Variants in GALNT2 observed in about 807,000 individuals in gnomAD.
GALNT2 encodes UDP-GalNAc:polypeptide N-acetylgalactosaminyltransferase 2.
In GALNT2, 31 loss-of-function variants were observed where a neutral mutation model predicts 81.4. The ratio of observed to expected loss-of-function variants is 0.38; its 90% CI spans 0.29 to 0.51. The LOEUF (loss-of-function observed/expected upper bound fraction) is 0.51, where lower values mean the gene tolerates loss of function less well. Ranked by LOEUF, GALNT2 falls within the 20% of genes least tolerant of loss-of-function variation. GALNT2 has a pLI of 0.87. For missense variants in GALNT2, 629 were observed against 765.7 expected (o/e 0.82, Z 2.11); for synonymous variants, 303 against 287.4 (o/e 1.05, Z -0.55).
chr1:230,239,824 A>G (rs898868010), intron 6 of GALNT2, among the ~76,000 whole-genome samples: 2 of 152,196 alleles, frequency 1.3e-5, no homozygotes, highest in Non-Finnish European at 2.9e-5. Context: ...GCTTTTCAGC[A>G]ATACTTTTCA....
chr1:230,116,573 T>A (rs1290670471), intron 1 of GALNT2, among the ~76,000 whole-genome samples: 1 of 152,214 alleles, frequency 6.6e-6, no homozygotes, highest in Non-Finnish European at 1.5e-5. Flanking sequence ...AAATTACTGC[T>A]TGATCCATGG....
At chr1:230,259,596 G>A (rs1325959152) in intron 11 of GALNT2, 1 of 152,208 alleles carries the variant, frequency 6.6e-6, no homozygotes, top group Non-Finnish European at 1.5e-5. Context: ...GGTTTTTCAA[G>A]GATAATCTGG....
In GALNT2 at chr1:230,238,412, G is replaced by A. The variant is rs1388830555; in HGVS notation, c.607+1687G>A. Among the ~76,000 whole-genome samples, 11 of 152,180 alleles carry A rather than the reference G, an allele frequency of 7.2e-5. No homozygotes were observed. The East Asian group carries it at 1.9e-3, about 27-fold the overall frequency. On this transcript the variant is annotated intron_variant, in intron 6 of 15. Coordinates refer to ENST00000366672, the MANE Select transcript of GALNT2 (RefSeq NM_004481.5). ...GAAATTTCTGGATTTCTCTGGGTGG[G>A]GTGTGGGCAGCTGCATTTTTAAAAG...
intron 15 of GALNT2, among the ~76,000 whole-genome samples, chr1:230,277,452 T>G (rs1363290258): frequency 6.6e-6 from 1 of 152,236 alleles, no homozygotes; most frequent in Non-Finnish European, 1.5e-5. Context: ...AGAAGATTCC[T>G]GGCTGCTCAG....
intron 1 of GALNT2, among the ~76,000 whole-genome samples, chr1:230,129,945 A>G (rs576103799): frequency 5.3e-4 from 80 of 152,338 alleles, no homozygotes; most frequent in African/African-American, 1.8e-3. Flanking sequence ...CTTCCTGTGG[A>G]CAGGCATCAC....
chr1:230,263,034 T>G (rs1665925840), intron 13 of GALNT2, 29 bp downstream of exon 13: 1 of 1,577,340 alleles, frequency 6.3e-7, no homozygotes, highest in Non-Finnish European at 8.7e-7. Context: ...GGGGTTTCAC[T>G]TTGTAAGGGC....
intron 6 of GALNT2, among the ~76,000 whole-genome samples, chr1:230,237,685 C>T (rs1024330756): frequency 7.9e-5 from 12 of 152,232 alleles, no homozygotes; most frequent in South Asian, 2.1e-4. Flanking sequence ...TAAGCCTTGC[C>T]TTCTAAACAA....
chr1:230,140,757 G>C lies in GALNT2; in HGVS notation c.127-37461G>C, dbSNP rs554996238. ...CCCTTCCCCTTTTCCTCAGGGAAAA[G>C]CTTGTGCATAACTCAGTAGTAAATG... On this transcript the variant is annotated intron_variant, in intron 1 of 15. Coordinates refer to ENST00000366672, the MANE Select transcript of GALNT2 (RefSeq NM_004481.5). Among the ~76,000 whole-genome samples, 21 of 152,268 alleles carry C rather than the reference G, an allele frequency of 1.4e-4. No homozygotes were observed. In the South Asian group the frequency reaches 4.1e-3, roughly 30 times the overall value.
At chr1:230,090,130 T>C (rs1006807054) in intron 1 of GALNT2, among the ~76,000 whole-genome samples, 1 of 152,218 alleles carries the variant, frequency 6.6e-6, no homozygotes, top group African/African-American at 2.4e-5. Context: ...TTATCATCTT[T>C]TTTTTGGATG....
intron 2 of GALNT2, among the ~76,000 whole-genome samples, chr1:230,189,754 T>G (rs1663457564): frequency 6.6e-6 from 1 of 152,226 alleles, no homozygotes; most frequent in African/African-American, 2.4e-5. Context: ...CACCATCAAT[T>G]AGAGCTGTTT....
intron 1 of GALNT2, among the ~76,000 whole-genome samples, chr1:230,095,352 G>A (rs1401280505): frequency 2.0e-5 from 3 of 152,128 alleles, no homozygotes; most frequent in Non-Finnish European, 2.9e-5. Context: ...TCCATGAGGC[G>A]TTTTTATTAT....
At chr1:230,063,109 G>T (rs982020635), upstream of GALNT2, among the ~76,000 whole-genome samples, 1 of 152,044 alleles carries the variant, frequency 6.6e-6, no homozygotes, top group Non-Finnish European at 1.5e-5. Context: ...TCAGGAGTTT[G>T]CGACCAGCCT....
intron 1 of GALNT2, among the ~76,000 whole-genome samples, chr1:230,174,966 G>C (rs925094766): frequency 2.0e-5 from 3 of 152,208 alleles, no homozygotes; most frequent in Non-Finnish European, 4.4e-5. Context: ...TCTACGCGGG[G>C]CCTGTGCCTC....
intron 1 of GALNT2, among the ~76,000 whole-genome samples, chr1:230,134,596 A>T (rs1312715008): frequency 6.6e-6 from 1 of 152,080 alleles, no homozygotes; most frequent in African/African-American, 2.4e-5. Context: ...AGGGTATCCA[A>T]CCCAGACCTG....
intron 3 of GALNT2, among the ~76,000 whole-genome samples, chr1:230,224,418 C>T (rs1204301109): frequency 2.0e-5 from 3 of 152,164 alleles, no homozygotes; most frequent in Admixed American, 1.3e-4. Context: ...GAGGGCATGA[C>T]GAGAGAGTTC....
At chr1:230,227,142 A>G (rs1261384727) in intron 3 of GALNT2, among the ~76,000 whole-genome samples, 4 of 152,138 alleles carry the variant, frequency 2.6e-5, no homozygotes, top group African/African-American at 9.7e-5. Context: ...TTTTCTAGGG[A>G]TATTTAAGTT....
At chr1:230,086,274 A>G (rs375926647) in intron 1 of GALNT2, among the ~76,000 whole-genome samples, 3 of 152,136 alleles carry the variant, frequency 2.0e-5, no homozygotes, top group African/African-American at 7.2e-5. Context: ...GGTGATGGTG[A>G]CTAGGGATAC....
At chr1:230,120,387 G>A (rs147912191) in intron 1 of GALNT2, among the ~76,000 whole-genome samples, 92 of 152,236 alleles carry the variant, frequency 6.0e-4, no homozygotes, top group African/African-American at 2.1e-3. Flanking sequence ...TCCCATGTCA[G>A]CCATCTCCAG....
chr1:230,178,661 G>C (rs193019381), intron 2 of GALNT2, among the ~76,000 whole-genome samples: 1 of 152,100 alleles, frequency 6.6e-6, no homozygotes. Context: ...GAGAATTCCT[G>C]TATACCTCCT....
Sources: allele counts gnomAD v4.1 joint callset (sites outside exome capture counted in the v4.1 genomes callset), GRCh38; gene constraint gnomAD v4.1.1; transcripts MANE v1.5; gene names NCBI Gene and HGNC (gene_info 2026-07-23, HGNC 2026-07-21).